Variants in ROBO2 observed in about 807,000 individuals in gnomAD.
ROBO2 encodes roundabout guidance receptor 2.
Under a neutral mutation model 160.8 loss-of-function variants are expected in ROBO2, and 53 were observed. The observed-to-expected ratio is 0.33, with a 90% CI of 0.26 to 0.41. The LOEUF (loss-of-function observed/expected upper bound fraction) is 0.41. Ranked by LOEUF, ROBO2 falls within the 10% of genes least tolerant of loss-of-function variation. ROBO2 has a pLI of 1.00. For synonymous variants in ROBO2, 664 were observed against 611.7 expected (o/e 1.09, Z -1.26); for missense variants, 1,577 against 1,722.4 (o/e 0.92, Z 1.49).
intron 2 of ROBO2, among the ~76,000 whole-genome samples, chr3:77,357,432 G>T (rs989833046): frequency 6.6e-6 from 1 of 152,080 alleles, no homozygotes; most frequent in African/African-American, 2.4e-5. Flanking sequence ...GTGTTATGAT[G>T]CAGCAAGAAG....
chr3:76,411,792 A>G (rs1481561084), intron 2 of ROBO2, among the ~76,000 whole-genome samples: 1 of 152,220 alleles, frequency 6.6e-6, no homozygotes, highest in East Asian at 1.9e-4. Context: ...GATAATACTG[A>G]TGAATGCTAT....
At chr3:77,450,257 A>G (rs2080987207) in intron 2 of ROBO2, among the ~76,000 whole-genome samples, 1 of 152,134 alleles carries the variant, frequency 6.6e-6, no homozygotes, top group East Asian at 1.9e-4. Flanking sequence ...GAGACACTAC[A>G]CTACTTGTTC....
At chr3:75,920,645 A>C (rs1418803555) in intron 1 of ROBO2, among the ~76,000 whole-genome samples, 1 of 152,072 alleles carries the variant, frequency 6.6e-6, no homozygotes. Flanking sequence ...GTTTCCCACT[A>C]TTATTGTGTG....
exon 21 of ROBO2, chr3:77,607,871 C>A (rs760493561): frequency 6.2e-7 from 1 of 1,613,894 alleles, no homozygotes. Flanking sequence ...CCACTTGGGC[C>A]AATGTCCCTC....
chr3:76,335,258 G>A (rs1006751671), intron 2 of ROBO2, among the ~76,000 whole-genome samples: 8 of 138,578 alleles, frequency 5.8e-5, no homozygotes, highest in East Asian at 2.3e-4. Context: ...CTCTGCTCAC[G>A]GCAACCTCCA....
At chr3:77,214,883 T>C (rs2084708230) in intron 2 of ROBO2, among the ~76,000 whole-genome samples, 4 of 152,204 alleles carry the variant, frequency 2.6e-5, no homozygotes, top group African/African-American at 9.7e-5. Context: ...AAAATTCTTT[T>C]CTTTAAGAAT....
chr3:76,811,838 T>TTTCC (rs59218956), intron 2 of ROBO2, among the ~76,000 whole-genome samples: 1,151 of 33,116 alleles, frequency 0.035, 70 homozygotes, highest in African/African-American at 0.055. Context: ...TCCTTCCTTC[T>TTTCC]TTCCTTCCTT....
chr3:76,533,006 C>A (rs2082309685), intron 2 of ROBO2, among the ~76,000 whole-genome samples: 1 of 152,274 alleles, frequency 6.6e-6, no homozygotes, highest in East Asian at 1.9e-4. Flanking sequence ...TATCCAGTTA[C>A]TTTCATCTTG....
At position 76,606,106 on chromosome 3, in the gene ROBO2, C is replaced by T. The variant is rs150161712; in HGVS notation, c.110-491908C>T. On this transcript the variant is annotated intron_variant, in intron 2 of 26. Coordinates refer to the ROBO2 transcript ENST00000487694. ...GTAGATTTTCTGGAAAAGAAGGAAG[C>T]CCATTCTACTGGGGAAATAAAAGTG... is the stretch of plus-strand genomic sequence containing the variant. Among the ~76,000 whole-genome samples the T allele has an allele frequency of 5.5e-3, 842 of 152,082 alleles. 6 individuals carry two copies. The highest frequency in any genetic ancestry group is 0.025 in the South Asian group (121 of 4,810).
intron 2 of ROBO2, among the ~76,000 whole-genome samples, chr3:76,478,508 C>G (rs2079049724): frequency 6.6e-6 from 1 of 151,812 alleles, no homozygotes; most frequent in Admixed American, 6.6e-5. Context: ...GGATCGCTTC[C>G]TTACACCTTA....
At chr3:77,063,691 C>T (rs1472941139) in intron 1 of ROBO2, among the ~76,000 whole-genome samples, 3 of 152,260 alleles carry the variant, frequency 2.0e-5, no homozygotes, top group African/African-American at 4.8e-5. Context: ...AGCAAAGCAA[C>T]GTATACATAA....
At chr3:76,785,011 G>A (rs1235996007) in intron 2 of ROBO2, among the ~76,000 whole-genome samples, 4 of 151,018 alleles carry the variant, frequency 2.6e-5, no homozygotes. Flanking sequence ...TTGTACTTTG[G>A]GACCTCTTTA....
intron 2 of ROBO2, among the ~76,000 whole-genome samples, chr3:76,959,214 T>C (rs762947971): frequency 5.3e-5 from 8 of 152,182 alleles, no homozygotes; most frequent in Non-Finnish European, 1.0e-4. Flanking sequence ...AACTAAGCAT[T>C]ATGTCAACAT....
intron 2 of ROBO2, among the ~76,000 whole-genome samples, chr3:76,651,561 TAA>T (rs1032308850): frequency 3.9e-5 from 6 of 152,034 alleles, no homozygotes; most frequent in East Asian, 1.9e-4. Flanking sequence ...AATGTATATG[TAA>T]AGAGTGGCCC....
At chr3:76,089,777 C>G (rs559542802) in intron 2 of ROBO2, among the ~76,000 whole-genome samples, 2 of 152,086 alleles carry the variant, frequency 1.3e-5, no homozygotes, top group East Asian at 3.9e-4. Context: ...AGGAACAATG[C>G]AAGAAGATTC....
chr3:76,373,982 A>C (rs564139465), intron 2 of ROBO2, among the ~76,000 whole-genome samples: 375 of 152,062 alleles, frequency 2.5e-3, no homozygotes, highest in Admixed American at 4.3e-3. Flanking sequence ...ATCATCCAAC[A>C]GTCTAGGGAG....
chr3:76,273,757 A>T (rs1707752044), intron 2 of ROBO2, among the ~76,000 whole-genome samples: 1 of 152,100 alleles, frequency 6.6e-6, no homozygotes, highest in South Asian at 2.1e-4. Context: ...TGATTCAATG[A>T]TCTCCCACCA....
intron 2 of ROBO2, among the ~76,000 whole-genome samples, chr3:76,192,551 C>A (rs1031859106): frequency 2.0e-5 from 3 of 151,062 alleles, no homozygotes; most frequent in Non-Finnish European, 3.0e-5. Context: ...CACACACACA[C>A]ACACACACAC....
At chr3:76,920,270 G>T (rs905456791) in intron 2 of ROBO2, among the ~76,000 whole-genome samples, 1 of 151,884 alleles carries the variant, frequency 6.6e-6, no homozygotes, top group Non-Finnish European at 1.5e-5. Context: ...TGACAAAAAG[G>T]AATAAAAACT....
Sources: allele counts gnomAD v4.1 joint callset (sites outside exome capture counted in the v4.1 genomes callset), GRCh38; gene constraint gnomAD v4.1.1; transcripts MANE v1.5; gene names NCBI Gene and HGNC (gene_info 2026-07-23, HGNC 2026-07-21).